Variants in BUB1B observed in about 807,000 individuals in gnomAD.
The protein encoded by BUB1B is BUB1 mitotic checkpoint serine/threonine kinase B, also known as mitotic checkpoint serine/threonine-protein kinase BUB1 beta.
In BUB1B, 86 loss-of-function variants were observed where a neutral mutation model predicts 137.7. That is an observed-to-expected ratio of 0.62 (90% CI 0.52 to 0.75). BUB1B has a LOEUF of 0.75. BUB1B is among the 30% of genes least tolerant of loss of function. BUB1B has a pLI of 0.00. For missense variants in BUB1B, 1,130 were observed against 1,236.9 expected (o/e 0.91, Z 1.30); for synonymous variants, 420 against 417.9 (o/e 1.00, Z -0.06).
chr15:40,161,647 G>A (rs2037044127), intron 1 of BUB1B, among the ~76,000 whole-genome samples: 1 of 152,222 alleles, frequency 6.6e-6, no homozygotes, highest in Non-Finnish European at 1.5e-5. Flanking sequence ...TATTTGTTAA[G>A]TAACTGCTTC....
At chr15:40,200,797 G>A in intron 11 of BUB1B, 134 bp from the exon 12 acceptor site, 5 of 737,620 alleles carry the variant, frequency 6.8e-6, no homozygotes, top group Non-Finnish European at 1.1e-5. Context: ...TTCTTTAAGA[G>A]AATTTGAATT....
intron 8 of BUB1B, among the ~76,000 whole-genome samples, chr15:40,193,755 G>A (rs185518587): frequency 5.6e-4 from 85 of 152,208 alleles, no homozygotes; most frequent in East Asian, 2.1e-3. Context: ...TTAGCTGGGC[G>A]TGGTGGCAGG....
intron 14 of BUB1B, among the ~76,000 whole-genome samples, chr15:40,205,377 G>A (rs1475671728): frequency 6.6e-6 from 1 of 152,070 alleles, no homozygotes; most frequent in Non-Finnish European, 1.5e-5. Context: ...ATCCATATGG[G>A]TTAAATCAAA....
In BUB1B at chr15:40,206,283, G is replaced by A. The variant is rs745336330; in HGVS notation, c.1834G>A (p.Ala612Thr). 2 of 1,614,150 alleles carry A rather than the reference G, an allele frequency of 1.2e-6. No individual in the cohort carries two copies. Among genetic ancestry groups the A allele is most frequent in the Non-Finnish European group, 1.7e-6 (2 of 1,180,020 alleles). Residue 612 changes from alanine to threonine, a missense_variant, in exon 15 of 23, where the codon GCC becomes ACC. By Grantham distance (58) the Ala-to-Thr change is moderately conservative. Transcript: ENST00000287598. ...CPNPEDTCDF[A>T]RAARFVSTPF... ...TAACCCAGAAGACACTTGTGACTTT[G>A]CCAGAGCAGCTCGTTTTGTATCCAC... is the stretch of plus-strand genomic sequence containing the variant.
chr15:40,169,576 CTTATG>C (rs376172013), intron 2 of BUB1B, among the ~76,000 whole-genome samples: 254 of 135,068 alleles, frequency 1.9e-3, no homozygotes, highest in African/African-American at 6.8e-3. Context: ...TCTCTCTCTT[CTTATG>C]TTAAGTAGAA....
intron 5 of BUB1B, among the ~76,000 whole-genome samples, chr15:40,178,858 G>A (rs2037251193): frequency 6.6e-6 from 1 of 151,126 alleles, no homozygotes; most frequent in Non-Finnish European, 1.5e-5. Context: ...CTTCCTTTTT[G>A]TTTGCATGAT....
chr15:40,182,929 G>T (rs141659986), intron 5 of BUB1B, among the ~76,000 whole-genome samples: 1 of 152,236 alleles, frequency 6.6e-6, no homozygotes, highest in African/African-American at 2.4e-5. Flanking sequence ...GCTTGCTTTT[G>T]TTGACTTTTC....
intron 20 of BUB1B, 51 bp from the exon 21 acceptor site, chr15:40,217,445 C>A: frequency 1.9e-5 from 22 of 1,132,220 alleles, no homozygotes; most frequent in Middle Eastern, 4.4e-4. Flanking sequence ...AGCTATGCAG[C>A]TTCTTTCATG....
chr15:40,179,966 C>A (rs1000120699), intron 5 of BUB1B, among the ~76,000 whole-genome samples: 7 of 80,470 alleles, frequency 8.7e-5, no homozygotes, highest in Middle Eastern at 5.3e-3. Context: ...CTTTCAAAAG[C>A]CATATATATA....
chr15:40,181,489 T>G (rs374071520), intron 5 of BUB1B, among the ~76,000 whole-genome samples: 51 of 118,514 alleles, frequency 4.3e-4, no homozygotes, highest in African/African-American at 1.3e-3. Flanking sequence ...TCAGCCGTTA[T>G]TTTTAAAATG....
chr15:40,195,324 T>TGTG (rs924373023), intron 8 of BUB1B, among the ~76,000 whole-genome samples: 1 of 152,230 alleles, frequency 6.6e-6, no homozygotes, highest in Admixed American at 6.5e-5. Flanking sequence ...TGTTCCTTTT[T>TGTG]GTGGCTGAGT....
At chr15:40,186,621 T>A (rs1200322600) in intron 8 of BUB1B, among the ~76,000 whole-genome samples, 1 of 151,398 alleles carries the variant, frequency 6.6e-6, no homozygotes, top group Non-Finnish European at 1.5e-5. Flanking sequence ...ATTTTTTTTT[T>A]TTTTTAGTGG....
chr15:40,214,528 A>G (rs2037750999), intron 20 of BUB1B, among the ~76,000 whole-genome samples: 1 of 152,344 alleles, frequency 6.6e-6, no homozygotes, highest in South Asian at 2.1e-4. Context: ...TTCTGAGGCC[A>G]CTGGTATACA....
intron 2 of BUB1B, among the ~76,000 whole-genome samples, 181 bp from the exon 3 acceptor site, chr15:40,169,881 G>A (rs1215059005): frequency 1.3e-5 from 2 of 151,990 alleles, no homozygotes; most frequent in Admixed American, 1.3e-4. Flanking sequence ...CCAAAGTGTC[G>A]GGATTACAGG....
At chr15:40,185,084 A>T in intron 6 of BUB1B, 81 bp from the exon 7 acceptor site, 3 of 1,156,096 alleles carry the variant, frequency 2.6e-6, no homozygotes, top group Non-Finnish European at 3.9e-6. Flanking sequence ...CCTTGAGTTG[A>T]GGAAGAATAG....
At chr15:40,165,447 T>G (rs2037085094) in intron 2 of BUB1B, among the ~76,000 whole-genome samples, 1 of 152,310 alleles carries the variant, frequency 6.6e-6, no homozygotes, top group South Asian at 2.1e-4. Context: ...TAGAAATACA[T>G]TTTATACAGG....
At chr15:40,183,568 C>G (rs2037321931) in intron 5 of BUB1B, 146 bp from the exon 6 acceptor site, 2 of 765,980 alleles carry the variant, frequency 2.6e-6, no homozygotes, top group Non-Finnish European at 4.4e-6. Flanking sequence ...CTCTTTACTT[C>G]TGAGAGAATA....
At chr15:40,210,847 T>C (rs1010484164) in intron 18 of BUB1B, among the ~76,000 whole-genome samples, 5 of 152,230 alleles carry the variant, frequency 3.3e-5, no homozygotes, top group African/African-American at 9.6e-5. Flanking sequence ...GAAGTTATTT[T>C]TCCTTCTTTC....
intron 8 of BUB1B, among the ~76,000 whole-genome samples, chr15:40,193,787 G>A (rs912893299): frequency 3.9e-5 from 6 of 151,954 alleles, no homozygotes; most frequent in African/African-American, 7.3e-5. Flanking sequence ...CCAGCTACTC[G>A]GGAGGCGGAG....
Sources: gnomAD v4.1 joint callset for allele counts (sites outside exome capture counted in the v4.1 genomes callset) on GRCh38, gnomAD v4.1.1 for gene constraint, MANE v1.5 for transcripts, NCBI Gene and HGNC (gene_info 2026-07-23, HGNC 2026-07-21) for gene names.